Variants in MARK3 observed in about 807,000 individuals in gnomAD.
The protein encoded by MARK3 is microtubule affinity regulating kinase 3, also known as MAP/microtubule affinity-regulating kinase 3.
Under a neutral mutation model 90.1 loss-of-function variants are expected in MARK3, and 46 were observed. The ratio of observed to expected loss-of-function variants is 0.51; its 90% CI spans 0.40 to 0.65. The LOEUF (loss-of-function observed/expected upper bound fraction) is 0.65, where lower values mean the gene tolerates loss of function less well. Ranked by LOEUF, MARK3 falls within the 30% of genes least tolerant of loss-of-function variation. The pLI is 0.00. For synonymous variants in MARK3, 321 were observed against 332.6 expected, an observed-to-expected ratio of 0.97 and a Z score of 0.38; for missense variants, 818 against 947.2, an observed-to-expected ratio of 0.86 and a Z score of 1.79.
intron 2 of MARK3, among the ~76,000 whole-genome samples, chr14:103,421,557 G>C (rs992973314): frequency 6.6e-6 from 1 of 152,142 alleles, no homozygotes; most frequent in Non-Finnish European, 1.5e-5. Context: ...CCTCATAGAG[G>C]CCAGAGGAAC....
intron 3 of MARK3, 106 bp downstream of exon 3, chr14:103,428,546 A>T (rs571529199): frequency 1.5e-6 from 1 of 656,410 alleles, no homozygotes; most frequent in African/African-American, 1.9e-5. Flanking sequence ...TTAATGCCAT[A>T]AAGCTTCCTA....
intron 3 of MARK3, among the ~76,000 whole-genome samples, chr14:103,436,903 G>A (rs78131666): frequency 0.29 from 43,505 of 152,028 alleles, 7,317 homozygotes; most frequent in Non-Finnish European, 0.36. Flanking sequence ...CTAGCCTGAC[G>A]AACATGGTGA....
chr14:103,387,587 G>A (rs2089911059), intron 1 of MARK3, among the ~76,000 whole-genome samples: 1 of 151,936 alleles, frequency 6.6e-6, no homozygotes. Flanking sequence ...CCACCTCCCA[G>A]GCTGAAGTGA....
intron 15 of MARK3, among the ~76,000 whole-genome samples, chr14:103,494,544 C>CAAAAAAAA (rs35133138): frequency 1.1e-4 from 9 of 84,612 alleles, no homozygotes; most frequent in Non-Finnish European, 1.3e-4. Flanking sequence ...AACTCTGTCT[C>CAAAAAAAA]AAAAAAAAAA....
chr14:103,449,548 G>T (rs1020040782), intron 4 of MARK3, among the ~76,000 whole-genome samples: 2 of 152,034 alleles, frequency 1.3e-5, no homozygotes, highest in Admixed American at 6.5e-5. Context: ...GCTATCTAAT[G>T]GAATTGTGAT....
At chr14:103,436,867 G>C (rs1485004973) in intron 3 of MARK3, among the ~76,000 whole-genome samples, 5 of 152,150 alleles carry the variant, frequency 3.3e-5, no homozygotes, top group Non-Finnish European at 7.3e-5. Context: ...AGCTGGGTGG[G>C]ATCACCTGAG....
At chr14:103,470,580 C>T (rs186971156) in intron 12 of MARK3, among the ~76,000 whole-genome samples, 1 of 149,322 alleles carries the variant, frequency 6.7e-6, no homozygotes, top group African/African-American at 2.5e-5. Context: ...CTCAGCCTCC[C>T]GAGTAGCTGG....
chr14:103,452,010 T>G (rs990549275), intron 5 of MARK3, 27 bp downstream of exon 5: 2 of 1,481,794 alleles, frequency 1.3e-6, no homozygotes, highest in Non-Finnish European at 1.9e-6. Context: ...ATATATTGGG[T>G]TTTTTTTCTT....
At chr14:103,405,764 G>A (rs959489835) in intron 2 of MARK3, among the ~76,000 whole-genome samples, 2 of 134,348 alleles carry the variant, frequency 1.5e-5, no homozygotes, top group South Asian at 2.3e-4. Flanking sequence ...TTTTTTTTTT[G>A]TATTTTTGTA....
chr14:103,457,074 A>G (rs1035081191), intron 5 of MARK3, 68 bp from the exon 6 acceptor site: 9 of 957,186 alleles, frequency 9.4e-6, no homozygotes, highest in Non-Finnish European at 1.5e-5. Flanking sequence ...AAAGTGAAAC[A>G]TCAATTTATG....
chr14:103,439,358 A>C (rs2092793570), intron 3 of MARK3, among the ~76,000 whole-genome samples: 2 of 151,952 alleles, frequency 1.3e-5, no homozygotes, highest in Admixed American at 6.6e-5. Flanking sequence ...CATATGGATC[A>C]CTCATCAATG....
chr14:103,450,180 G>A (rs917192382), intron 4 of MARK3, among the ~76,000 whole-genome samples: 2 of 151,654 alleles, frequency 1.3e-5, no homozygotes, highest in Non-Finnish European at 2.9e-5. Context: ...CAATAAGTAT[G>A]GTTGAAGAAA....
chr14:103,410,479 C>A (rs1396100888), intron 2 of MARK3, among the ~76,000 whole-genome samples: 2 of 152,106 alleles, frequency 1.3e-5, no homozygotes, highest in Non-Finnish European at 2.9e-5. Flanking sequence ...TTGCTTTTTC[C>A]CTTTTCACTA....
At chr14:103,433,806 G>T (rs747713737) in intron 3 of MARK3, among the ~76,000 whole-genome samples, 1 of 152,130 alleles carries the variant, frequency 6.6e-6, no homozygotes, top group Non-Finnish European at 1.5e-5. Flanking sequence ...TCTTAGCAGG[G>T]ATTACTCCAT....
At chr14:103,467,919 C>T in intron 11 of MARK3, 114 bp from the exon 12 acceptor site, 1 of 1,020,488 alleles carries the variant, frequency 9.8e-7, no homozygotes, top group African/African-American at 1.6e-5. Context: ...TGTGATTCCT[C>T]CTCTCTCTGA....
chr14:103,435,510 G>A (rs984676796), intron 3 of MARK3, among the ~76,000 whole-genome samples: 2 of 152,092 alleles, frequency 1.3e-5, no homozygotes, highest in South Asian at 2.1e-4. Context: ...CTGGGTTCAC[G>A]CCATTCTCCT....
At chr14:103,417,143 A>G (rs1420793656) in intron 2 of MARK3, 1 of 152,210 alleles carries the variant, frequency 6.6e-6, no homozygotes, top group Non-Finnish European at 1.5e-5. Context: ...TGGCATTTGC[A>G]GAGATTGGGG....
intron 1 of MARK3, among the ~76,000 whole-genome samples, chr14:103,398,848 T>C (rs1264650648): frequency 1.3e-5 from 2 of 152,210 alleles, no homozygotes; most frequent in Non-Finnish European, 2.9e-5. Context: ...TTTGTTTTTG[T>C]TTTTGTTTTT....
At chr14:103,462,998 G>A (rs998677060) in intron 7 of MARK3, among the ~76,000 whole-genome samples, 4 of 152,182 alleles carry the variant, frequency 2.6e-5, no homozygotes, top group Non-Finnish European at 5.9e-5. Context: ...TTACAGGAAA[G>A]TGGGGTGCTT....
Sources: gnomAD v4.1 joint callset for allele counts (sites outside exome capture counted in the v4.1 genomes callset) on GRCh38, gnomAD v4.1.1 for gene constraint, MANE v1.5 for transcripts, NCBI Gene and HGNC (gene_info 2026-07-23, HGNC 2026-07-21) for gene names.